Variants in GPN1 observed in about 807,000 individuals in gnomAD.
The protein encoded by GPN1 is GPN-loop GTPase 1.
Under a neutral mutation model 55.9 loss-of-function variants are expected in GPN1, and 44 were observed. The ratio of observed to expected loss-of-function variants is 0.79; its 90% CI spans 0.62 to 1.01. The LOEUF (loss-of-function observed/expected upper bound fraction) is 1.01. Among genes scored for constraint, GPN1 ranks in the 50% least tolerant of loss-of-function variants. The probability of loss-of-function intolerance (pLI) is 0.00; values close to 1 mark genes in which losing one functional copy is unlikely to be tolerated. For missense variants in GPN1, 466 were observed against 462.8 expected (o/e 1.01, Z -0.06); for synonymous variants, 179 against 162.5 (o/e 1.10, Z -0.77).
intron 2 of GPN1, among the ~76,000 whole-genome samples, chr2:27,630,746 C>T (rs908624932): frequency 6.6e-6 from 1 of 152,124 alleles, no homozygotes; most frequent in African/African-American, 2.4e-5. Context: ...AGCATTTTTT[C>T]CCCCTTGATT....
chr2:27,638,035 T>TG (rs1296919903), intron 7 of GPN1, among the ~76,000 whole-genome samples, 175 bp from the exon 8 acceptor site: 1 of 152,178 alleles, frequency 6.6e-6, no homozygotes, highest in Non-Finnish European at 1.5e-5. Flanking sequence ...GTGTTGCTTC[T>TG]GGGTGGTAGT....
At chr2:27,640,171 C>T in intron 10 of GPN1, 46 bp downstream of exon 10, 1 of 1,225,946 alleles carries the variant, frequency 8.2e-7, no homozygotes, top group Non-Finnish European at 1.2e-6. Flanking sequence ...TAATAACCTA[C>T]AATTCTGATA....
chr2:27,650,066 G>A, intron 13 of GPN1, 49 bp from the exon 14 acceptor site: 1 of 1,010,086 alleles, frequency 9.9e-7, no homozygotes, highest in Non-Finnish European at 1.6e-6. Flanking sequence ...GCTCTAATCA[G>A]TTTGTCTAAT....
intron 12 of GPN1, among the ~76,000 whole-genome samples, chr2:27,645,043 C>T (rs1572963133): frequency 6.6e-6 from 1 of 152,252 alleles, no homozygotes; most frequent in African/African-American, 2.4e-5. Flanking sequence ...TCATAGCTCC[C>T]TGCAGCCTCG....
rs765077825 is a variant in GPN1 at position 27,638,846 on chromosome 2, TG to T, written c.571-37del. 1.9e-6 allele frequency: 3 copies of T among 1,559,260 alleles called. No individual in the cohort carries two copies. In the Admixed American group the frequency reaches 6.1e-5, roughly 31 times the overall value. On this transcript the variant is annotated intron_variant, in intron 8 of 13. Coordinates refer to ENST00000610189, the MANE Select transcript of GPN1 (RefSeq NM_007266.4). ...TTAAAAGAATAAATTTTGCGTTTGT[TG>T]GCTCTGGTTGCTCATAATTGACTTC...
chr2:27,645,562 G>A (rs530050845), intron 12 of GPN1, among the ~76,000 whole-genome samples: 2 of 152,204 alleles, frequency 1.3e-5, no homozygotes, highest in East Asian at 3.9e-4. Flanking sequence ...AGACCACAGA[G>A]TGTCTTTGTA....
At chr2:27,645,434 G>C (rs986223175) in intron 12 of GPN1, among the ~76,000 whole-genome samples, 1 of 152,152 alleles carries the variant, frequency 6.6e-6, no homozygotes, top group African/African-American at 2.4e-5. Flanking sequence ...TATGAACTGA[G>C]TATCAACTTT....
chr2:27,629,944 C>A lies in GPN1; in HGVS notation c.197C>A (p.Ala66Asp). 6.4e-7 allele frequency: 1 copy of A among 1,562,844 alleles called. No homozygotes were observed. Among genetic ancestry groups the A allele is most frequent in the Non-Finnish European group, 8.8e-7 (1 of 1,133,078 alleles). ...GCAGTACATGAAGTTCCCTTTCCTG[C>A]CAATATTGGTGAGTAAACCAGTAAC... ...DPAVHEVPFPANIDIRDTVKY... is the reference protein window; with the variant it reads ...DPAVHEVPFPDNIDIRDTVKY... Residue 66 changes from alanine (A) to aspartate (D), a missense_variant, in exon 2 of 14, where the codon GCC (alanine) becomes GAC (aspartate). Physicochemically the swap from Ala to Asp is moderately radical, Grantham distance 126. Coordinates refer to ENST00000610189, the MANE Select transcript of GPN1 (RefSeq NM_007266.4).
Position 27,629,092 on chromosome 2 carries a change from G to A in GPN1, c.34G>A (p.Ala12Thr), listed in dbSNP as rs772802935. Reference sequence around the variant, plus strand: ...GTCCGCAGCTGCCGCTGAGCTCCAGGCTTCTGGGGGTCCGCGGCACCCAGT... The same window carrying A: ...GTCCGCAGCTGCCGCTGAGCTCCAGACTTCTGGGGGTCCGCGGCACCCAGT... ...AASAAAAELQASGGPRHPVCL... is the reference protein window; with the variant it reads ...AASAAAAELQTSGGPRHPVCL... Residue 12 changes from alanine (A) to threonine (T), a missense_variant, in exon 1 of 14, where the codon GCT (alanine) becomes ACT (threonine). Ala to Thr is a moderately conservative substitution (Grantham distance 58). Coordinates refer to ENST00000610189, the MANE Select transcript of GPN1 (RefSeq NM_007266.4). The A allele has an allele frequency of 6.2e-7, 1 of 1,614,236 alleles. No individual in the cohort carries two copies. The highest frequency in any genetic ancestry group is 1.1e-5 in the South Asian group (1 of 91,086).
At position 27,640,074 on chromosome 2, in the gene GPN1, G is replaced by A. The variant is rs771436874; in HGVS notation, c.749G>A (p.Gly250Glu). ...VVGVSAVLGT[G>E]LDELFVQVTS... ...GGTGTCTCTGCTGTTCTGGGTACTG[G>A]ATTAGATGAACTCTTTGTGCAAGTT... Residue 250 changes from glycine (G) to glutamate (E), a missense_variant, in exon 10 of 14, where the codon GGA (glycine) becomes GAA (glutamate). Coordinates refer to ENST00000610189, the MANE Select transcript of GPN1 (RefSeq NM_007266.4). 6.2e-6 allele frequency: 10 copies of A among 1,613,178 alleles called. No homozygotes were observed. In the South Asian group the frequency reaches 9.9e-5, roughly 16 times the overall value.
intron 3 of GPN1, chr2:27,631,617 C>T (rs1323147847): frequency 1.7e-6 from 1 of 582,644 alleles, no homozygotes; most frequent in African/African-American, 1.9e-5. Context: ...TTGCTTTCTT[C>T]ATTTTGCCTG....
At chr2:27,630,557 G>A (rs1429347436) in intron 2 of GPN1, among the ~76,000 whole-genome samples, 2 of 151,834 alleles carry the variant, frequency 1.3e-5, no homozygotes, top group African/African-American at 2.4e-5. Flanking sequence ...GAGAGACAAG[G>A]CCTCTCTATG....
At chr2:27,628,546 C>T (rs975168928), upstream of GPN1, 1 of 1,551,496 alleles carries the variant, frequency 6.4e-7, no homozygotes, top group Admixed American at 2.0e-5. Flanking sequence ...TTTATTCGTT[C>T]GGTGCTCAAA....
Position 27,641,267 on chromosome 2 carries a change from GA to G in GPN1, c.834del (p.Lys278AsnfsTer25). The G allele has an allele frequency of 1.2e-6, 2 of 1,607,824 alleles. No homozygotes were observed. The highest frequency in any genetic ancestry group is 1.7e-5 in the Admixed American group (1 of 59,858). On this transcript the variant is annotated frameshift_variant, in exon 11 of 14. Transcript: ENST00000610189. LOFTEE classifies it high-confidence loss of function. Reference protein sequence around the residue: ...REYRPEYERLKKSLANAESQQ... With the variant: ...REYRPEYERLXKSLANAESQQ... ...AGTATCGTCCTGAATATGAACGTCT[GA>G]AAAAATCACTGGTAAGAAGGGAGGC...
chr2:27,638,920 G>C lies in GPN1; in HGVS notation c.606G>C (p.Trp202Cys). The C allele has an allele frequency of 6.2e-7, 1 of 1,613,882 alleles. No homozygotes were observed. Among genetic ancestry groups the C allele is most frequent in the Non-Finnish European group, 8.5e-7 (1 of 1,179,776 alleles). Residue 202 changes from tryptophan to cysteine, a missense_variant, in exon 9 of 14, where the codon TGG becomes TGC. Physicochemically the swap from Trp to Cys is radical, Grantham distance 215. Transcript: ENST00000610189. Reference sequence around the variant, plus strand: ...TTGACCACAGCTTTGCAGTGGAATGGATGCAGGATTTTGAGGCTTTCCAAG... The same window carrying C: ...TTGACCACAGCTTTGCAGTGGAATGCATGCAGGATTTTGAGGCTTTCCAAG... ...DIIDHSFAVE[W>C]MQDFEAFQDA...
intron 12 of GPN1, 87 bp from the exon 13 acceptor site, chr2:27,647,749 A>G (rs1000815716): frequency 1.8e-5 from 14 of 768,550 alleles, no homozygotes; most frequent in Non-Finnish European, 3.2e-5. Flanking sequence ...GAGCACTTTC[A>G]TCCTGCCAGT....
At chr2:27,631,697 A>T in intron 3 of GPN1, 137 bp from the exon 4 acceptor site, 1 of 684,218 alleles carries the variant, frequency 1.5e-6, no homozygotes, top group Non-Finnish European at 2.7e-6. Flanking sequence ...TTAAGTTTGT[A>T]TGGTAGTCAA....
upstream of GPN1, chr2:27,628,688 C>T (rs1463583935): frequency 6.4e-7 from 1 of 1,551,682 alleles, no homozygotes. Context: ...GCTCCGCTCC[C>T]CGTTCTCTGT....
intron 11 of GPN1, chr2:27,641,949 C>G (rs964997617): frequency 6.5e-6 from 1 of 153,472 alleles, no homozygotes; most frequent in African/African-American, 2.4e-5. Context: ...CTCATTGGAT[C>G]CTTTGTCTCT....
Sources: allele counts gnomAD v4.1 joint callset (sites outside exome capture counted in the v4.1 genomes callset), GRCh38; gene constraint gnomAD v4.1.1; transcripts MANE v1.5; gene names NCBI Gene and HGNC (gene_info 2026-07-23, HGNC 2026-07-21).